The following HDAC9 variants were observed in gnomAD, a reference collection of about 807,000 sequenced individuals.
HDAC9 encodes MEF-2 interacting transcription repressor (MITR) protein.
Under a neutral mutation model 139.4 loss-of-function variants are expected in HDAC9, and 41 were observed. The ratio of observed to expected loss-of-function variants is 0.29; its 90% CI spans 0.23 to 0.38. The LOEUF (loss-of-function observed/expected upper bound fraction) is 0.38. HDAC9 is among the 10% of genes least tolerant of loss of function. The probability of loss-of-function intolerance (pLI) is 1.00; values close to 1 mark genes in which losing one functional copy is unlikely to be tolerated. For synonymous variants in HDAC9, 517 were observed against 476.2 expected (o/e 1.09, Z -1.12); for missense variants, 1,147 against 1,297.0 (o/e 0.88, Z 1.78).
chr7:18,171,006 G>A (rs1052455494), intron 2 of HDAC9, among the ~76,000 whole-genome samples: 18 of 152,124 alleles, frequency 1.2e-4, no homozygotes, highest in Non-Finnish European at 2.4e-4. Context: ...GCTTGATGGG[G>A]ATGGCATTGA....
At chr7:18,806,690 G>A (rs913955718) in intron 17 of HDAC9, among the ~76,000 whole-genome samples, 5 of 152,096 alleles carry the variant, frequency 3.3e-5, no homozygotes, top group Admixed American at 6.6e-5. Context: ...ATTCAGGAAA[G>A]GATGCTGAAT....
At chr7:18,649,782 G>C (rs1418812900) in intron 11 of HDAC9, among the ~76,000 whole-genome samples, 1 of 152,106 alleles carries the variant, frequency 6.6e-6, no homozygotes, top group African/African-American at 2.4e-5. Flanking sequence ...GCAGAGCCAT[G>C]AAGGAAGCAT....
intron 6 of HDAC9, among the ~76,000 whole-genome samples, chr7:18,610,467 T>C (rs1177863028): frequency 6.6e-6 from 1 of 152,156 alleles, no homozygotes; most frequent in East Asian, 1.9e-4. Flanking sequence ...AAACAAACAC[T>C]CTTTCCCCGG....
intron 1 of HDAC9, among the ~76,000 whole-genome samples, chr7:18,433,900 A>T (rs993982788): frequency 3.3e-5 from 5 of 152,194 alleles, no homozygotes; most frequent in Non-Finnish European, 7.4e-5. Flanking sequence ...CCTTTTTCAC[A>T]AAATTGGGGA....
intron 1 of HDAC9, among the ~76,000 whole-genome samples, chr7:18,359,323 G>A (rs1294281907): frequency 1.3e-5 from 2 of 151,980 alleles, no homozygotes; most frequent in African/African-American, 4.8e-5. Flanking sequence ...ACTCCAGCCC[G>A]GGCAACGGAG....
chr7:18,815,582 T>A (rs1464778993), intron 17 of HDAC9, among the ~76,000 whole-genome samples: 1 of 152,238 alleles, frequency 6.6e-6, no homozygotes, highest in Non-Finnish European at 1.5e-5. Flanking sequence ...TAGTCCTGTC[T>A]GTAGCCCCAG....
chr7:18,458,567 A>G (rs1231474681), intron 1 of HDAC9, among the ~76,000 whole-genome samples: 3 of 152,244 alleles, frequency 2.0e-5, no homozygotes, highest in African/African-American at 7.2e-5. Context: ...AATTTATTTA[A>G]AAGTTCATAG....
At chr7:18,773,263 T>C (rs1227077631) in intron 16 of HDAC9, among the ~76,000 whole-genome samples, 3 of 151,960 alleles carry the variant, frequency 2.0e-5, no homozygotes, top group African/African-American at 7.2e-5. Context: ...AAAATTCTTC[T>C]GTTGCCAAAA....
At chr7:18,179,430 G>A (rs146440504) in intron 2 of HDAC9, among the ~76,000 whole-genome samples, 1 of 152,176 alleles carries the variant, frequency 6.6e-6, no homozygotes, top group African/African-American at 2.4e-5. Context: ...TGTTTATTTT[G>A]CTTGTTATTA....
chr7:18,395,724 C>G (rs1267701035), intron 1 of HDAC9, among the ~76,000 whole-genome samples: 3 of 151,998 alleles, frequency 2.0e-5, no homozygotes, highest in Admixed American at 1.3e-4. Flanking sequence ...ACTTTTTAAA[C>G]ATGTTACCTT....
intron 2 of HDAC9, among the ~76,000 whole-genome samples, chr7:18,174,472 C>T (rs2128135892): frequency 1.3e-5 from 2 of 152,342 alleles, no homozygotes; most frequent in Middle Eastern, 3.4e-3. Context: ...AAGTCATTCT[C>T]CGTCCAGCTT....
At chr7:18,945,468 A>C (rs1175955089) in intron 23 of HDAC9, among the ~76,000 whole-genome samples, 1 of 152,182 alleles carries the variant, frequency 6.6e-6, no homozygotes, top group East Asian at 1.9e-4. Context: ...GACCTTTGAT[A>C]ATTGAAAGTA....
chr7:18,923,471 A>G (rs889260156), intron 22 of HDAC9, among the ~76,000 whole-genome samples: 1 of 152,014 alleles, frequency 6.6e-6, no homozygotes, highest in South Asian at 2.1e-4. Context: ...TTATTCTGGT[A>G]CATACCCAGC....
In HDAC9 at chr7:18,463,778, A is replaced by G. The variant is rs188346004; in HGVS notation, c.-41-32484A>G. 5.3e-4 allele frequency among the ~76,000 whole-genome samples: 81 copies of G among 152,006 alleles called. 1 individual carries two copies. The highest frequency in any genetic ancestry group is 1.8e-3 in the African/African-American group (76 of 41,538). On this transcript the variant is annotated intron_variant, in intron 1 of 3. Transcript: ENST00000413509. ...TGCTTTAGTTTTTCCCAGTTTTATT[A>G]TCATCCAAATAAAATAATTTTTTGT... is the stretch of plus-strand genomic sequence containing the variant.
chr7:18,913,912 A>T (rs1187177069), intron 22 of HDAC9, among the ~76,000 whole-genome samples: 1 of 152,056 alleles, frequency 6.6e-6, no homozygotes, highest in Non-Finnish European at 1.5e-5. Context: ...CTTAAAAAAC[A>T]AAAACAAAAA....
chr7:19,001,563 A>G lies in HDAC9; in HGVS notation c.*5501A>G, dbSNP rs1786751493. 1 of 151,636 alleles carries G rather than the reference A, an allele frequency of 6.6e-6. No individual in the cohort carries two copies. Among genetic ancestry groups the G allele is most frequent in the Admixed American group, 6.6e-5 (1 of 15,250 alleles). 9.4% of individuals were successfully genotyped at this position (151,636 alleles called of 1,614,324 possible). A position where few individuals can be genotyped will look rare whatever the true frequency, so the allele number is the denominator to read the frequency against. On this transcript the variant is annotated 3_prime_UTR_variant, in exon 26 of 26. Coordinates refer to ENST00000686413, the MANE Select transcript of HDAC9 (RefSeq NM_178425.4). ...ATGGAGTAATTAAAAAAAAAAACAAAAAACAGAGAAGAATTGCAAAATCTG... is the reference window on the plus strand; with the variant it reads ...ATGGAGTAATTAAAAAAAAAAACAAGAAACAGAGAAGAATTGCAAAATCTG...
intron 1 of HDAC9, among the ~76,000 whole-genome samples, chr7:18,380,188 CAAT>C (rs879631116): frequency 2.6e-5 from 4 of 151,852 alleles, no homozygotes; most frequent in Non-Finnish European, 5.9e-5. Flanking sequence ...CAAAGTGACA[CAAT>C]AAGATTAAAA....
At chr7:18,611,868 G>T (rs1837252245) in intron 6 of HDAC9, among the ~76,000 whole-genome samples, 1 of 152,058 alleles carries the variant, frequency 6.6e-6, no homozygotes, top group African/African-American at 2.4e-5. Flanking sequence ...ATTTTCAATG[G>T]AAAACAAATT....
intron 22 of HDAC9, among the ~76,000 whole-genome samples, chr7:18,924,619 C>G (rs1431487113): frequency 6.6e-6 from 1 of 152,042 alleles, no homozygotes; most frequent in Admixed American, 6.6e-5. Context: ...GTTTTTCTAC[C>G]ATTTAACAAA....
Sources: gnomAD v4.1 joint callset for allele counts (sites outside exome capture counted in the v4.1 genomes callset) on GRCh38, gnomAD v4.1.1 for gene constraint, MANE v1.5 for transcripts, NCBI Gene and HGNC (gene_info 2026-07-23, HGNC 2026-07-21) for gene names.